The following RBFOX1 variants were observed in gnomAD, a reference collection of about 807,000 sequenced individuals.
The protein encoded by RBFOX1 is RNA binding fox-1 homolog 1.
RBFOX1 carries 8 observed loss-of-function variants against 57.7 expected under a neutral mutation model. The observed-to-expected ratio is 0.14, with a 90% confidence interval of 0.08 to 0.25. The LOEUF is 0.25. RBFOX1 is among the 10% of genes least tolerant of loss of function. RBFOX1 has a pLI of 1.00. For missense variants in RBFOX1, 611 were observed against 548.5 expected, an observed-to-expected ratio of 1.11 and a Z score of -1.14; for synonymous variants, 326 against 222.4, an observed-to-expected ratio of 1.47 and a Z score of -4.15.
intron 3 of RBFOX1, among the ~76,000 whole-genome samples, chr16:6,808,903 C>A (rs565990873): frequency 2.5e-4 from 38 of 152,290 alleles, no homozygotes; most frequent in African/African-American, 9.1e-4. Flanking sequence ...AATCCCAAAG[C>A]AAGATGTTAA....
chr16:6,487,743 ATATATATATAT>A (rs1567405861), intron 2 of RBFOX1, among the ~76,000 whole-genome samples: 28 of 74,776 alleles, frequency 3.7e-4, no homozygotes, highest in Admixed American at 6.2e-4. Flanking sequence ...ATATATATAT[ATATATATATAT>A]AAAATATTAT....
chr16:6,868,801 C>A (rs1183479133), intron 3 of RBFOX1, among the ~76,000 whole-genome samples: 4 of 152,140 alleles, frequency 2.6e-5, no homozygotes, highest in Non-Finnish European at 5.9e-5. Context: ...AATAAGGTTG[C>A]ATCTTTTTGC....
intron 3 of RBFOX1, among the ~76,000 whole-genome samples, chr16:7,011,848 G>C (rs991614235): frequency 2.6e-5 from 4 of 152,198 alleles, no homozygotes; most frequent in Admixed American, 1.3e-4. Context: ...TCAGTCATGA[G>C]AAATGGGAAG....
intron 1 of RBFOX1, among the ~76,000 whole-genome samples, chr16:6,237,807 C>T (rs915840143): frequency 1.3e-5 from 2 of 151,690 alleles, no homozygotes; most frequent in African/African-American, 2.4e-5. Flanking sequence ...AAATACCTGC[C>T]TTATGGCTGG....
intron 4 of RBFOX1, among the ~76,000 whole-genome samples, chr16:7,288,834 C>G (rs1346076050): frequency 6.6e-6 from 1 of 152,180 alleles, no homozygotes; most frequent in Non-Finnish European, 1.5e-5. Context: ...AAGCAAGGCT[C>G]CATCTCAAAA....
At chr16:6,041,954 G>A (rs1478043903) in intron 1 of RBFOX1, among the ~76,000 whole-genome samples, 9 of 152,036 alleles carry the variant, frequency 5.9e-5, no homozygotes, top group Admixed American at 5.9e-4. Flanking sequence ...CCTTCTGGAG[G>A]CCCTAGGAAA....
chr16:6,409,614 A>C (rs1226609053), intron 2 of RBFOX1, among the ~76,000 whole-genome samples: 1 of 152,180 alleles, frequency 6.6e-6, no homozygotes, highest in Admixed American at 6.5e-5. Context: ...ATACCCTGTG[A>C]AACTTTTAAA....
chr16:7,420,887 A>G, intron 4 of RBFOX1, among the ~76,000 whole-genome samples: 1 of 140,702 alleles, frequency 7.1e-6, no homozygotes, highest in South Asian at 2.1e-4. Flanking sequence ...TTTAAAATAT[A>G]TATATATATA....
rs1567303304 is a variant in RBFOX1 at position 6,450,810 on chromosome 16, T to TATACATATAC, written c.-64+133756_-64+133757insCATATACATA. Reference sequence around the variant, plus strand: ...ATATACATATATATATGTATATATATATATATACATATATATATATATATA... The same window carrying TATACATATAC: ...ATATACATATATATATGTATATATATATACATATACATATATACATATATATATATATATA... On this transcript the variant is annotated intron_variant, in intron 2 of 15. Transcript: ENST00000550418. Among the ~76,000 whole-genome samples the TATACATATAC allele has an allele frequency of 2.7e-4, 5 of 18,820 alleles. 1 individual carries two copies. The highest frequency in any genetic ancestry group is 1.8e-3 in the African/African-American group (5 of 2,758). 12.3% of individuals were successfully genotyped at this position (18,820 alleles called of 152,430 possible). A position where few individuals can be genotyped will look rare whatever the true frequency, so the allele number is the denominator to read the frequency against.
intron 4 of RBFOX1, among the ~76,000 whole-genome samples, chr16:7,053,372 C>G (rs1054443162): frequency 6.6e-6 from 1 of 152,158 alleles, no homozygotes; most frequent in Non-Finnish European, 1.5e-5. Flanking sequence ...GATTTTTAAG[C>G]TTTTCTGAAC....
chr16:5,360,402 T>C (rs2065512084), intron 1 of RBFOX1, among the ~76,000 whole-genome samples: 1 of 152,226 alleles, frequency 6.6e-6, no homozygotes, highest in Non-Finnish European at 1.5e-5. Flanking sequence ...GTGCACGTGG[T>C]TTCCTGTGGG....
At chr16:7,239,621 C>T (rs1027926718) in intron 4 of RBFOX1, among the ~76,000 whole-genome samples, 58 of 152,286 alleles carry the variant, frequency 3.8e-4, no homozygotes, top group African/African-American at 1.3e-3. Flanking sequence ...CTGAGCTTCT[C>T]TGAGGCTTTA....
intron 3 of RBFOX1, among the ~76,000 whole-genome samples, chr16:6,767,260 C>G (rs55905739): frequency 0.016 from 2,442 of 152,096 alleles, 85 homozygotes; most frequent in African/African-American, 0.056. Context: ...CCAAGTGGCT[C>G]AAGTCTCTCC....
At chr16:6,209,155 A>T (rs1035523562) in intron 1 of RBFOX1, among the ~76,000 whole-genome samples, 1 of 152,228 alleles carries the variant, frequency 6.6e-6, no homozygotes, top group Non-Finnish European at 1.5e-5. Context: ...TTAAAGGTGA[A>T]ATCTGAGCCC....
chr16:5,566,317 T>G (rs1191032260), intron 2 of RBFOX1, among the ~76,000 whole-genome samples: 1 of 152,120 alleles, frequency 6.6e-6, no homozygotes, highest in Non-Finnish European at 1.5e-5. Context: ...GGCATTCCAC[T>G]GTCGGAAGAT....
intron 4 of RBFOX1, among the ~76,000 whole-genome samples, chr16:7,430,204 A>C (rs777584154): frequency 5.6e-4 from 86 of 152,226 alleles, no homozygotes; most frequent in Admixed American, 3.3e-4. Flanking sequence ...CCATTGGCCC[A>C]CAGTAACTAT....
chr16:7,458,913 CG>C (rs1201990265), intron 4 of RBFOX1, among the ~76,000 whole-genome samples: 6 of 152,178 alleles, frequency 3.9e-5, no homozygotes, highest in Non-Finnish European at 7.3e-5. Flanking sequence ...AAGCTCCAAC[CG>C]GGTAGATATT....
intron 2 of RBFOX1, among the ~76,000 whole-genome samples, chr16:5,593,851 C>T (rs1416749019): frequency 6.6e-6 from 1 of 152,160 alleles, no homozygotes; most frequent in African/African-American, 2.4e-5. Flanking sequence ...TGCGCGAGAT[C>T]CAAGAACCCT....
chr16:5,867,587 C>A (rs866907887), intron 4 of RBFOX1, among the ~76,000 whole-genome samples: 1 of 152,182 alleles, frequency 6.6e-6, no homozygotes, highest in African/African-American at 2.4e-5. Flanking sequence ...TTGACAGATA[C>A]ATCATAATTC....
Sources: allele counts gnomAD v4.1 joint callset (sites outside exome capture counted in the v4.1 genomes callset), GRCh38; gene constraint gnomAD v4.1.1; transcripts MANE v1.5; gene names NCBI Gene and HGNC (gene_info 2026-07-23, HGNC 2026-07-21).